The following ADAR variants were observed in gnomAD, a reference collection of about 807,000 sequenced individuals.
ADAR encodes adenosine deaminase RNA specific, also known as double-stranded RNA-specific adenosine deaminase.
Under a neutral mutation model 113.2 loss-of-function variants are expected in ADAR, and 41 were observed. The observed-to-expected ratio is 0.36, with a 90% CI of 0.28 to 0.47. The LOEUF (loss-of-function observed/expected upper bound fraction) is 0.47, where lower values mean the gene tolerates loss of function less well. Ranked by LOEUF, ADAR falls within the 20% of genes least tolerant of loss-of-function variation. ADAR has a pLI of 1.00. For synonymous variants in ADAR, 605 were observed against 572.6 expected (o/e 1.06, Z -0.81); for missense variants, 1,242 against 1,540.9 (o/e 0.81, Z 3.25).
chr1:154,596,247 G>C (rs768378712), intron 6 of ADAR, among the ~76,000 whole-genome samples: 4 of 152,150 alleles, frequency 2.6e-5, no homozygotes, highest in Non-Finnish European at 5.9e-5. Flanking sequence ...CAATCAGCTT[G>C]AATGATTTTT....
chr1:154,598,294 A>T (rs764140919), intron 3 of ADAR, 108 bp downstream of exon 3: 10 of 1,254,864 alleles, frequency 8.0e-6, no homozygotes, highest in Non-Finnish European at 1.2e-5. Flanking sequence ...TGGGAAGCTG[A>T]CTCCGAGATG....
rs561608446 is a variant in ADAR, at chr1:154,620,047, GA to G, written c.-871+7807del. On this transcript the variant is annotated intron_variant, in intron 1 of 14. Transcript: ENST00000368471. ...GAATATAGTTTTAGATCTGCAAGAT[GA>G]AAAAGTTCTGGAGATTTGTTGCACA... Among the ~76,000 whole-genome samples the G allele has an allele frequency of 6.6e-3, 1,006 of 152,342 alleles. 41 individuals carry two copies. Among genetic ancestry groups the G allele is most frequent in the Admixed American group, 0.059 (900 of 15,304 alleles).
chr1:154,621,085 A>G (rs1698780295), intron 1 of ADAR, among the ~76,000 whole-genome samples: 1 of 152,254 alleles, frequency 6.6e-6, no homozygotes, highest in Non-Finnish European at 1.5e-5. Context: ...AGTTTTGTCA[A>G]GCAAGCTGTT....
chr1:154,598,541 G>A lies in ADAR; in HGVS notation c.1646C>T (p.Ala549Val). 2 of 1,614,212 alleles carry A rather than the reference G, an allele frequency of 1.2e-6. No individual in the cohort carries two copies. Among genetic ancestry groups the A allele is most frequent in the South Asian group, 1.1e-5 (1 of 91,084 alleles). ...VVINGREFPP[A>V]EAGSKKVAKQ... ...GGCCACTTTCTTGCTTCCAGCTTCAGCTGGGGGAAACTCTCGGCCATTGAT... is the reference window on the plus strand; with the variant it reads ...GGCCACTTTCTTGCTTCCAGCTTCAACTGGGGGAAACTCTCGGCCATTGAT... Residue 549 changes from alanine (A) to valine (V), a missense_variant, in exon 3 of 15, where the codon GCT (alanine) becomes GTT (valine). By Grantham distance (64) the Ala-to-Val change is moderately conservative. Coordinates refer to ENST00000368474, the MANE Select transcript of ADAR (RefSeq NM_001111.5).
chr1:154,603,829 G>A (rs1698031976), intron 1 of ADAR, among the ~76,000 whole-genome samples: 1 of 152,168 alleles, frequency 6.6e-6, no homozygotes, highest in Non-Finnish European at 1.5e-5. Flanking sequence ...CTCTCCTGGA[G>A]GCTGCACAGG....
intron 6 of ADAR, among the ~76,000 whole-genome samples, chr1:154,594,997 A>G (rs1279303159): frequency 6.6e-6 from 1 of 152,236 alleles, no homozygotes; most frequent in African/African-American, 2.4e-5. Context: ...TAAATCACAC[A>G]TATGACAGGG....
intron 1 of ADAR, among the ~76,000 whole-genome samples, chr1:154,605,254 C>T (rs1698118373): frequency 1.3e-5 from 2 of 152,266 alleles, no homozygotes; most frequent in South Asian, 2.1e-4. Context: ...CCAGGTGGCA[C>T]ATCTCCCTCC....
intron 1 of ADAR, among the ~76,000 whole-genome samples, chr1:154,615,729 G>A (rs1698617306): frequency 6.6e-6 from 1 of 152,116 alleles, no homozygotes; most frequent in Non-Finnish European, 1.5e-5. Context: ...TTTTAGTTAA[G>A]CCAAACAGTA....
intron 1 of ADAR, among the ~76,000 whole-genome samples, chr1:154,603,661 T>C (rs1197726312): frequency 6.6e-6 from 1 of 151,942 alleles, no homozygotes; most frequent in Non-Finnish European, 1.5e-5. Flanking sequence ...ACCAGTACTG[T>C]CTTCTCCCCA....
At position 154,608,121 on chromosome 1, in the gene ADAR, G is replaced by T; in HGVS notation, c.-115C>A. 1.5e-6 allele frequency: 2 copies of T among 1,331,044 alleles called. No individual in the cohort carries two copies. Among genetic ancestry groups the T allele is most frequent in the South Asian group, 1.6e-5 (1 of 61,782 alleles). 82.5% of individuals were successfully genotyped at this position (1,331,044 alleles called of 1,614,324 possible). On this transcript the variant is annotated 5_prime_UTR_variant, in exon 1 of 15. Coordinates refer to ENST00000368474, the MANE Select transcript of ADAR (RefSeq NM_001111.5). ...GCCTCCGCTACTCCGCACTGGAAGT[G>T]GCCCCGGGGCGTCGGCACGGGAAAC... is the stretch of plus-strand genomic sequence containing the variant.
Position 154,589,185 on chromosome 1 carries a change from C to G in ADAR, c.2762+184G>C, listed in dbSNP as rs1542796. The stretch of plus-strand genomic sequence containing the variant: ...GGCCGAGCAGTGGGAGGCAGCTCAG[C>G]TCACAGAGGGGATGGATTCCATCAG... On this transcript the variant is annotated intron_variant, in intron 9 of 14. Transcript: ENST00000368474. Among the ~76,000 whole-genome samples the G allele has an allele frequency of 0.93, 141,087 of 152,302 alleles. 66,313 individuals are homozygous for G. Among genetic ancestry groups the G allele is most frequent in the Non-Finnish European group, 1 (68,001 of 68,042 alleles).
At position 154,590,228 on chromosome 1, in the gene ADAR, T is replaced by G; in HGVS notation, c.2452A>C (p.Thr818Pro). The part of the protein sequence containing the change: ...TPVTGASLRR[T>P]MLLLSRSPEA... ...GGGGACCTTGAGAGGAGGAGCATAGTTCTTCTGAGACTGGCCCCTGTCACT... is the reference window on the plus strand; with the variant it reads ...GGGGACCTTGAGAGGAGGAGCATAGGTCTTCTGAGACTGGCCCCTGTCACT... The change falls in exon 7 of 15, where the codon ACT becomes CCT. Residue 818 changes from threonine (T) to proline (P), a missense_variant. By Grantham distance (38) the Thr-to-Pro change is conservative. This residue lies in a region of ADAR where 780 missense variants were observed against 1,057.9 expected (regional missense o/e 0.74). Transcript: ENST00000368474. The G allele has an allele frequency of 6.3e-7, 1 of 1,578,582 alleles. No homozygotes were observed. Among genetic ancestry groups the G allele is most frequent in the Non-Finnish European group, 8.6e-7 (1 of 1,159,048 alleles).
intron 1 of ADAR, among the ~76,000 whole-genome samples, chr1:154,623,682 A>G (rs1698855766): frequency 6.6e-6 from 1 of 152,178 alleles, no homozygotes; most frequent in South Asian, 2.1e-4. Context: ...GGTTGCTGAC[A>G]GGGAGCTTTT....
upstream of ADAR, chr1:154,608,352 G>A: frequency 5.5e-6 from 2 of 363,006 alleles, no homozygotes; most frequent in Non-Finnish European, 9.9e-6. Flanking sequence ...TTTTGAGGCG[G>A]AGTCTCGCTC....
intron 5 of ADAR, 46 bp from the exon 6 acceptor site, chr1:154,597,041 A>T (rs760814725): frequency 1.2e-6 from 2 of 1,614,072 alleles, no homozygotes; most frequent in Non-Finnish European, 1.7e-6. Flanking sequence ...CACTTCAGGA[A>T]ATGTTGAGGG....
At chr1:154,593,106 G>C (rs12141385) in intron 6 of ADAR, among the ~76,000 whole-genome samples, 40,243 of 131,818 alleles carry the variant, frequency 0.31, 5,912 homozygotes, top group Middle Eastern at 0.33. Context: ...CTGCACTCCA[G>C]CCTGGGTGAC....
chr1:154,627,746 C>T (rs1698986362), intron 1 of ADAR: 3 of 439,212 alleles, frequency 6.8e-6, no homozygotes, highest in Middle Eastern at 7.3e-4. Flanking sequence ...AGTGCCCTGC[C>T]GGGGCGCCCC....
chr1:154,608,229 G>A (rs764402031), upstream of ADAR: 5 of 558,228 alleles, frequency 9.0e-6, no homozygotes, highest in African/African-American at 4.0e-5. Context: ...CCTCCGGAAA[G>A]TTTGGCCAAG....
At chr1:154,585,505 C>G (rs1696700690) in intron 13 of ADAR, 161 bp from the exon 14 acceptor site, 8 of 995,798 alleles carry the variant, frequency 8.0e-6, no homozygotes, top group Non-Finnish European at 1.2e-5. Context: ...TCTAGACATA[C>G]TAACTCCACC....
Sources: allele counts gnomAD v4.1 joint callset (sites outside exome capture counted in the v4.1 genomes callset), GRCh38; gene constraint gnomAD v4.1.1; regional missense constraint gnomAD v4.1.1; transcripts MANE v1.5; gene names NCBI Gene and HGNC (gene_info 2026-07-23, HGNC 2026-07-21).